Variants in LRRC4B observed in about 807,000 individuals in gnomAD.
LRRC4B encodes the protein leucine-rich repeat-containing protein 4B.
LRRC4B carries 1 observed loss-of-function variant against 7.3 expected under a neutral mutation model. The ratio of observed to expected loss-of-function variants is 0.14; its 90% CI spans 0.05 to 0.65. The LOEUF is 0.65. Among genes scored for constraint, LRRC4B ranks in the 30% least tolerant of loss-of-function variants. LRRC4B has a pLI of 0.84. For missense variants in LRRC4B, 730 were observed against 1,041.6 expected (o/e 0.70, Z 4.12); for synonymous variants, 500 against 499.2 (o/e 1.00, Z -0.02).
At chr19:50,531,983 GA>G (rs1981078369) in intron 2 of LRRC4B, among the ~76,000 whole-genome samples, 1 of 152,278 alleles carries the variant, frequency 6.6e-6, no homozygotes, top group South Asian at 2.1e-4. Flanking sequence ...AGCACTTTGG[GA>G]GGCCAAGGCG....
At chr19:50,554,584 GGAATGCT>G (rs1378120588) in intron 1 of LRRC4B, among the ~76,000 whole-genome samples, 3 of 152,204 alleles carry the variant, frequency 2.0e-5, no homozygotes. Flanking sequence ...CTGGATAACA[GGAATGCT>G]GGCTAACCTC....
intron 2 of LRRC4B, among the ~76,000 whole-genome samples, chr19:50,527,640 G>A (rs1980870949): frequency 6.6e-6 from 1 of 151,982 alleles, no homozygotes; most frequent in Non-Finnish European, 1.5e-5. Flanking sequence ...CTATACCTAC[G>A]TATGGACATT....
In LRRC4B at chr19:50,542,508, G is replaced by A. The variant is rs1434499028; in HGVS notation, c.297+6034C>T. 3.0e-5 allele frequency among the ~76,000 whole-genome samples: 4 copies of A among 134,006 alleles called. No homozygotes were observed. The Admixed American group carries it at 3.5e-4, about 12-fold the overall frequency. The allele number at this position is 134,006 out of a possible 152,430, so 87.9% of individuals were successfully genotyped here. A position where few individuals can be genotyped will look rare whatever the true frequency, so the allele number is the denominator to read the frequency against. The stretch of plus-strand genomic sequence containing the variant: ...TTTTTTTTTTTTGAGACGGAGTCTC[G>A]CTCTGTCACTCAGGCGGGAGTGCAT... On this transcript the variant is annotated intron_variant, in intron 2 of 2. Coordinates refer to ENST00000652263, the MANE Select transcript of LRRC4B (RefSeq NM_001080457.2).
chr19:50,566,698 C>T (rs183967539), intron 1 of LRRC4B, among the ~76,000 whole-genome samples: 2 of 150,598 alleles, frequency 1.3e-5, no homozygotes, highest in Admixed American at 1.3e-4. Context: ...GGGGGGAACC[C>T]TGAGAGCCCG....
At chr19:50,567,500 C>G (rs1352183297) in intron 1 of LRRC4B, among the ~76,000 whole-genome samples, 1 of 151,836 alleles carries the variant, frequency 6.6e-6, no homozygotes, top group Non-Finnish European at 1.5e-5. Flanking sequence ...CTCCCCATCA[C>G]TGGCGTGCCC....
chr19:50,567,037 G>A (rs563455766), intron 1 of LRRC4B, among the ~76,000 whole-genome samples: 11 of 151,612 alleles, frequency 7.3e-5, no homozygotes, highest in African/African-American at 2.7e-4. Flanking sequence ...TCAGAGATGG[G>A]GGTTAGAGAA....
chr19:50,548,378 G>A lies in LRRC4B; in HGVS notation c.297+164C>T, dbSNP rs1487916705. Among the ~76,000 whole-genome samples the A allele has an allele frequency of 2.6e-5, 4 of 152,070 alleles. No homozygotes were observed. Among genetic ancestry groups the A allele is most frequent in the South Asian group, 2.1e-4 (1 of 4,830 alleles). On this transcript the variant is annotated intron_variant, in intron 2 of 2. Transcript: ENST00000652263. This position sits in a 1 kb window ranked among gnomAD's most constrained non-coding sequence, Gnocchi z 6.8. Reference sequence around the variant, plus strand: ...GCCCGGAGGGCCTCCACTCCACCTCGGGAGCCCGGCTCCAGCTGATAGGAT... The same window carrying A: ...GCCCGGAGGGCCTCCACTCCACCTCAGGAGCCCGGCTCCAGCTGATAGGAT...
chr19:50,532,435 C>T (rs983978163), intron 2 of LRRC4B, among the ~76,000 whole-genome samples: 1 of 152,132 alleles, frequency 6.6e-6, no homozygotes, highest in African/African-American at 2.4e-5. Flanking sequence ...CAGAACCTGC[C>T]CTGCTGCCCT....
At chr19:50,540,194 A>G (rs1981479513) in intron 2 of LRRC4B, among the ~76,000 whole-genome samples, 2 of 152,116 alleles carry the variant, frequency 1.3e-5, no homozygotes, top group Non-Finnish European at 2.9e-5. Context: ...ACAGTGATTC[A>G]TTGAACCCAG....
chr19:50,550,446 CGGTGG>C (rs1982005689), intron 1 of LRRC4B, among the ~76,000 whole-genome samples: 2 of 74,250 alleles, frequency 2.7e-5, no homozygotes, highest in Admixed American at 3.5e-4. Context: ...CACCCTCTCA[CGGTGG>C]ACTCTCAGGA....
rs1427860981 is a variant in LRRC4B at position 50,518,485 on chromosome 19, G to A, written c.1228C>T (p.Arg410Cys). 1.3e-6 allele frequency: 2 copies of A among 1,557,916 alleles called. No individual in the cohort carries two copies. The highest frequency in any genetic ancestry group is 1.7e-6 in the Non-Finnish European group (2 of 1,151,186). ...NGTLMTHGSYRVRISVLHDGT... is the reference protein window; with the variant it reads ...NGTLMTHGSYCVRISVLHDGT... ...TCATGCAGGACGGAGATGCGCACGC[G>A]GTAGGAGCCGTGGGTCATGAGGGTG... Residue 410 changes from arginine (R) to cysteine (C), a missense_variant, in exon 3 of 3, where the codon CGC (arginine) becomes TGC (cysteine). By Grantham distance (180) the Arg-to-Cys change is radical. Coordinates refer to ENST00000652263, the MANE Select transcript of LRRC4B (RefSeq NM_001080457.2).
At chr19:50,566,108 T>G (rs1466519313) in intron 1 of LRRC4B, among the ~76,000 whole-genome samples, 1 of 140,218 alleles carries the variant, frequency 7.1e-6, no homozygotes, top group African/African-American at 2.7e-5. Context: ...GAAGGCGAAG[T>G]GGAGGCTGCG....
At position 50,556,171 on chromosome 19, in the gene LRRC4B, C is replaced by A. The variant is rs73586695; in HGVS notation, c.-35-7298G>T. 0.022 allele frequency among the ~76,000 whole-genome samples: 3,373 copies of A among 152,140 alleles called. 116 individuals are homozygous for A. The highest frequency in any genetic ancestry group is 0.077 in the African/African-American group (3,206 of 41,502). ...AGGAGCTGCTGATGAGGAAGCAGGA[C>A]TAGGGGCTTGGCTCAGCTCACGAAT... On this transcript the variant is annotated intron_variant, in intron 1 of 2. Transcript: ENST00000652263. The surrounding 1 kb of genome is among the most constrained non-coding windows in gnomAD (Gnocchi z 4.2).
rs551909005 is a variant in LRRC4B, at chr19:50,531,196, T to G, written c.298-11781A>C. 3.3e-5 allele frequency among the ~76,000 whole-genome samples: 5 copies of G among 152,354 alleles called. No individual in the cohort carries two copies. The East Asian group carries it at 9.7e-4, about 29-fold the overall frequency. On this transcript the variant is annotated intron_variant, in intron 2 of 2. Transcript: ENST00000652263. ...GAGCCTCTGCGGCACCCCAGGCTCC[T>G]GCTGACTCCCCCGGCAGCCCTGGAG...
Position 50,519,451 on chromosome 19 carries a change from A to G in LRRC4B, c.298-36T>C. ...GGAGACACGGATCAGTCACGGAGAT[A>G]CTGACGGGGACCGTGGGGGGATCAC... On this transcript the variant is annotated intron_variant, in intron 2 of 2. Transcript: ENST00000652263. This position sits in a 1 kb window ranked among gnomAD's most constrained non-coding sequence, Gnocchi z 8.1. 1 of 1,510,872 alleles carries G rather than the reference A, an allele frequency of 6.6e-7. No individual in the cohort carries two copies. Among genetic ancestry groups the G allele is most frequent in the East Asian group, 2.4e-5 (1 of 41,840 alleles). 93.6% of individuals were successfully genotyped at this position (1,510,872 alleles called of 1,614,324 possible).
Position 50,517,724 on chromosome 19 carries a change from G to T in LRRC4B, c.1989C>A (p.His663Gln). 1 of 1,553,252 alleles carries T rather than the reference G, an allele frequency of 6.4e-7. No homozygotes were observed. The highest frequency in any genetic ancestry group is 8.7e-7 in the Non-Finnish European group (1 of 1,151,434). ...CCTTGAAGGCGGCAGCCACGTAGTG[G>T]TGGTGGTTGAGGTGGTCTCGCTCCA... is the stretch of plus-strand genomic sequence containing the variant. ...PALERDHLNHHHYVAAAFKAH... is the reference protein window; with the variant it reads ...PALERDHLNHQHYVAAAFKAH... The change falls in exon 3 of 3, where the codon CAC becomes CAA. Residue 663 changes from histidine (H) to glutamine (Q), a missense_variant. Physicochemically the swap from His to Gln is conservative, Grantham distance 24. Transcript: ENST00000652263. This position sits in a 1 kb window ranked among gnomAD's most constrained non-coding sequence, Gnocchi z 6.6.
At chr19:50,567,039 G>A (rs920566854) in intron 1 of LRRC4B, among the ~76,000 whole-genome samples, 3 of 151,286 alleles carry the variant, frequency 2.0e-5, no homozygotes, top group Admixed American at 6.6e-5. Flanking sequence ...AGAGATGGGG[G>A]TTAGAGAAGG....
intron 2 of LRRC4B, among the ~76,000 whole-genome samples, chr19:50,523,573 G>T (rs1281951433): frequency 1.3e-5 from 2 of 151,914 alleles, no homozygotes; most frequent in African/African-American, 4.8e-5. Flanking sequence ...AGTTACTCGG[G>T]AGACTGAGGC....
intron 2 of LRRC4B, among the ~76,000 whole-genome samples, chr19:50,530,928 T>G (rs1305678867): frequency 1.1e-4 from 12 of 111,760 alleles, no homozygotes; most frequent in East Asian, 5.9e-4. Context: ...AGTAGAAACC[T>G]GGGGGGGGGG....
Sources: gnomAD v4.1 joint callset for allele counts (sites outside exome capture counted in the v4.1 genomes callset) on GRCh38, gnomAD v4.1.1 for gene constraint, Gnocchi (gnomAD v3.1) non-coding constraint, MANE v1.5 for transcripts, NCBI Gene and HGNC (gene_info 2026-07-23, HGNC 2026-07-21) for gene names.